Variants in ASPA observed in about 807,000 individuals in gnomAD.
The protein encoded by ASPA is aspartoacylase.
ASPA carries 25 observed loss-of-function variants against 29.6 expected under a neutral mutation model. The observed-to-expected ratio is 0.85, with a 90% CI of 0.62 to 1.18. The LOEUF is 1.18. Ranked by LOEUF, ASPA falls within the 50% of genes most tolerant of loss-of-function variation. The pLI is 0.00. For synonymous variants in ASPA, 131 were observed against 130.3 expected, an observed-to-expected ratio of 1.01 and a Z score of -0.04; for missense variants, 333 against 385.7, an observed-to-expected ratio of 0.86 and a Z score of 1.14.
chr17:3,483,720 T>C (rs2073674069), intron 3 of ASPA, 128 bp downstream of exon 3: 4 of 875,808 alleles, frequency 4.6e-6, no homozygotes, highest in East Asian at 2.8e-5. Flanking sequence ...TGGAGTCCGA[T>C]GGTGTGATCT....
intron 5 of ASPA, among the ~76,000 whole-genome samples, chr17:3,496,852 G>T (rs1299505797): frequency 6.6e-6 from 1 of 152,052 alleles, no homozygotes; most frequent in Non-Finnish European, 1.5e-5. Flanking sequence ...GGATCACGCG[G>T]TCAGGAGATC....
chr17:3,492,868 G>A (rs1214022222), intron 4 of ASPA, among the ~76,000 whole-genome samples: 1 of 152,198 alleles, frequency 6.6e-6, no homozygotes, highest in Non-Finnish European at 1.5e-5. Context: ...CACAAAGCCA[G>A]TGTAGACGGA....
At chr17:3,481,148 C>G (rs1011488580) in intron 1 of ASPA, among the ~76,000 whole-genome samples, 3 of 152,084 alleles carry the variant, frequency 2.0e-5, no homozygotes, top group African/African-American at 4.8e-5. Context: ...AAAATGATCT[C>G]TAATTAGATT....
intron 4 of ASPA, among the ~76,000 whole-genome samples, chr17:3,489,980 C>G (rs888747901): frequency 6.6e-6 from 1 of 152,144 alleles, no homozygotes; most frequent in African/African-American, 2.4e-5. Context: ...GTTAAATAAA[C>G]TAACATGGAA....
At position 3,499,136 on chromosome 17, in the gene ASPA, A is replaced by G. The variant is rs1193186250; in HGVS notation, c.*48A>G. ...TACACGGTGTCTTACAAATTCTGCT[A>G]GTCTGTAAGCTCCTTAAGAGTAGGG... is the stretch of plus-strand genomic sequence containing the variant. On this transcript the variant is annotated 3_prime_UTR_variant, in exon 6 of 6. Coordinates refer to ENST00000263080, the MANE Select transcript of ASPA (RefSeq NM_000049.4). 1.9e-6 allele frequency: 3 copies of G among 1,579,184 alleles called. No individual in the cohort carries two copies. Among genetic ancestry groups the G allele is most frequent in the Non-Finnish European group, 2.6e-6 (3 of 1,158,130 alleles).
intron 1 of ASPA, among the ~76,000 whole-genome samples, chr17:3,478,492 A>G (rs951652477): frequency 5.9e-5 from 9 of 152,218 alleles, no homozygotes; most frequent in Middle Eastern, 3.2e-3. Context: ...ATGCTTATCT[A>G]TTGACCTAAG....
chr17:3,482,647 A>G (rs569152776), intron 2 of ASPA, among the ~76,000 whole-genome samples: 1 of 152,330 alleles, frequency 6.6e-6, no homozygotes, highest in East Asian at 1.9e-4. Context: ...TAAATGACAT[A>G]AAGTATTTAA....
chr17:3,487,052 G>T (rs1234391991), intron 3 of ASPA, among the ~76,000 whole-genome samples: 1 of 142,788 alleles, frequency 7.0e-6, no homozygotes, highest in Non-Finnish European at 1.5e-5. Context: ...GTGTGTGTGT[G>T]TGTGTTTATG....
rs1313669924 is a variant in ASPA, at chr17:3,502,894, G to A, written c.*3806G>A. The A allele has an allele frequency of 6.6e-6, 1 of 152,280 alleles. No homozygotes were observed. Among genetic ancestry groups the A allele is most frequent in the African/African-American group, 2.4e-5 (1 of 41,452 alleles). 9.4% of individuals were successfully genotyped at this position (152,280 alleles called of 1,614,324 possible). A position where few individuals can be genotyped will look rare whatever the true frequency, so the allele number is the denominator to read the frequency against. On this transcript the variant is annotated 3_prime_UTR_variant, in exon 6 of 6. Transcript: ENST00000263080. ...GCTCCAGCTGTTGCCAGCAGAGGTG[G>A]TGAAAGTCAACAACAGGGCACTGGA...
Position 3,483,512 on chromosome 17 carries a change from C to T in ASPA, c.446C>T (p.Pro149Leu). ...GATTTTTTTCAGACTTCTCTGGCTC[C>T]ACTACCCTGCTACGTTTATCTGATT... ...MFHYIKTSLA[P>L]LPCYVYLIEH... The change falls in exon 3 of 6, where the codon CCA (proline) becomes CTA (leucine). Residue 149 changes from proline (P) to leucine (L), a missense_variant. Pro to Leu is a moderately conservative substitution (Grantham distance 98). Coordinates refer to ENST00000263080, the MANE Select transcript of ASPA (RefSeq NM_000049.4). 1 of 1,614,036 alleles carries T rather than the reference C, an allele frequency of 6.2e-7. No individual in the cohort carries two copies. The highest frequency in any genetic ancestry group is 8.5e-7 in the Non-Finnish European group (1 of 1,179,960).
At chr17:3,498,824 G>T in intron 5 of ASPA, 67 bp from the exon 6 acceptor site, 1 of 1,356,734 alleles carries the variant, frequency 7.4e-7, no homozygotes, top group Non-Finnish European at 9.8e-7. Context: ...GTTGTCTAGA[G>T]TCTGACATAA....
intron 3 of ASPA, among the ~76,000 whole-genome samples, chr17:3,487,308 G>A (rs1404852274): frequency 6.6e-6 from 1 of 152,120 alleles, no homozygotes; most frequent in Non-Finnish European, 1.5e-5. Flanking sequence ...TTTTTTCCCA[G>A]TGAGTGCATG....
rs1419897517 is a variant in ASPA, at chr17:3,494,467, T to C, written c.744+8T>C. The C allele has an allele frequency of 1.9e-6, 3 of 1,581,702 alleles. No individual in the cohort carries two copies. Among genetic ancestry groups the C allele is most frequent in the Non-Finnish European group, 2.6e-6 (3 of 1,150,640 alleles). ...ATCCATCCTAATCTGCAGGTAACAT[T>C]TGTTCTTTCTTTAAAATGTTGAAAA... On this transcript the variant is annotated splice_region_variant and intron_variant, in intron 5 of 5. Coordinates refer to ENST00000263080, the MANE Select transcript of ASPA (RefSeq NM_000049.4).
chr17:3,476,273 C>G lies in ASPA; in HGVS notation c.114C>G (p.Gly38=). 1 of 1,614,118 alleles carries G rather than the reference C, an allele frequency of 6.2e-7. No homozygotes were observed. Among genetic ancestry groups the G allele is most frequent in the Non-Finnish European group, 8.5e-7 (1 of 1,180,020 alleles). The change falls in exon 1 of 6, where the codon GGC becomes GGG. Residue 38 remains glycine, a synonymous_variant. Coordinates refer to ENST00000263080, the MANE Select transcript of ASPA (RefSeq NM_000049.4). ...VFLVKHWLEN[G]AEIQRTGLEV... is the part of the protein sequence containing the mutation. ...TGGTTAAGCATTGGCTAGAGAATGG[C>G]GCTGAGATTCAGAGAACAGGGCTGG...
chr17:3,491,539 G>C (rs146488012), intron 4 of ASPA, among the ~76,000 whole-genome samples: 105 of 152,246 alleles, frequency 6.9e-4, no homozygotes, highest in Middle Eastern at 3.4e-3. Context: ...TTGAGGTCAG[G>C]AGTTCAAGAC....
At chr17:3,474,224 T>C (rs991098787), upstream of ASPA, 2 of 152,218 alleles carry the variant, frequency 1.3e-5, no homozygotes, top group African/African-American at 4.8e-5. Context: ...AAAAAAGTTA[T>C]TCATTTTGAC....
At chr17:3,475,508 T>C (rs554623065), upstream of ASPA, 1 of 152,504 alleles carries the variant, frequency 6.6e-6, no homozygotes, top group Non-Finnish European at 1.5e-5. Context: ...AGGGTAGCTT[T>C]TCGAGTCCCA....
chr17:3,499,137 G>C lies in ASPA; in HGVS notation c.*49G>C. The C allele has an allele frequency of 3.2e-6, 5 of 1,574,664 alleles. No homozygotes were observed. Among genetic ancestry groups the C allele is most frequent in the South Asian group, 1.1e-5 (1 of 87,248 alleles). Reference sequence around the variant, plus strand: ...ACACGGTGTCTTACAAATTCTGCTAGTCTGTAAGCTCCTTAAGAGTAGGGT... The same window carrying C: ...ACACGGTGTCTTACAAATTCTGCTACTCTGTAAGCTCCTTAAGAGTAGGGT... On this transcript the variant is annotated 3_prime_UTR_variant, in exon 6 of 6. Coordinates refer to ENST00000263080, the MANE Select transcript of ASPA (RefSeq NM_000049.4).
At chr17:3,484,492 C>T (rs1389764268) in intron 3 of ASPA, among the ~76,000 whole-genome samples, 1 of 152,010 alleles carries the variant, frequency 6.6e-6, no homozygotes, top group Non-Finnish European at 1.5e-5. Flanking sequence ...AAGTGGGATC[C>T]ATCTTGAGGT....
Sources: gnomAD v4.1 joint callset for allele counts (sites outside exome capture counted in the v4.1 genomes callset) on GRCh38, gnomAD v4.1.1 for gene constraint, MANE v1.5 for transcripts, NCBI Gene and HGNC (gene_info 2026-07-23, HGNC 2026-07-21) for gene names.